The following ECHDC1 variants were observed in gnomAD, a reference collection of about 807,000 sequenced individuals.
The protein encoded by ECHDC1 is ethylmalonyl-CoA decarboxylase.
ECHDC1 carries 29 observed loss-of-function variants against 29.7 expected under a neutral mutation model. The ratio of observed to expected loss-of-function variants is 0.98; its 90% CI spans 0.73 to 1.33. The LOEUF (loss-of-function observed/expected upper bound fraction) is 1.33. ECHDC1 is among the 40% of genes most tolerant of loss of function. The pLI is 0.00. For missense variants in ECHDC1, 328 were observed against 350.0 expected, an observed-to-expected ratio of 0.94 and a Z score of 0.50; for synonymous variants, 126 against 123.1, an observed-to-expected ratio of 1.02 and a Z score of -0.15.
intron 1 of ECHDC1, chr6:127,342,299 A>C: frequency 6.6e-7 from 1 of 1,512,958 alleles, no homozygotes. Flanking sequence ...CAGGGGCTTA[A>C]GAATCTGGCC....
At chr6:127,314,667 T>A in intron 5 of ECHDC1, 149 bp downstream of exon 5, 2 of 602,064 alleles carry the variant, frequency 3.3e-6, no homozygotes, top group Non-Finnish European at 5.7e-6. Context: ...TAAAATTATC[T>A]ACTTTAATGA....
intron 1 of ECHDC1, among the ~76,000 whole-genome samples, chr6:127,338,348 C>G (rs969950366): frequency 6.6e-6 from 1 of 152,006 alleles, no homozygotes. Context: ...GAAAATAGAG[C>G]AAAGTATCTC....
chr6:127,316,600 AT>A, intron 3 of ECHDC1, 98 bp from the exon 4 acceptor site: 1 of 946,314 alleles, frequency 1.1e-6, no homozygotes, highest in Non-Finnish European at 1.6e-6. Context: ...AGCCAAAAAT[AT>A]GTCTTTTTTA....
chr6:127,316,246 C>A (rs1376177265), intron 4 of ECHDC1: 10 of 507,242 alleles, frequency 2.0e-5, no homozygotes, highest in African/African-American at 5.9e-5. Context: ...TCTTTCATTT[C>A]TCTTATTTTT....
chr6:127,336,480 C>T (rs958782723), intron 1 of ECHDC1, among the ~76,000 whole-genome samples: 17 of 152,096 alleles, frequency 1.1e-4, no homozygotes, highest in African/African-American at 4.1e-4. Context: ...CCCTGCTTTC[C>T]CAAAGGGAAG....
intron 5 of ECHDC1, among the ~76,000 whole-genome samples, chr6:127,296,790 A>G (rs1040261935): frequency 3.3e-5 from 5 of 152,106 alleles, no homozygotes; most frequent in Admixed American, 3.3e-4. Context: ...GGATCACTTG[A>G]GCTCACAAGT....
chr6:127,318,556 G>C (rs1175326379), intron 3 of ECHDC1, among the ~76,000 whole-genome samples: 1 of 152,158 alleles, frequency 6.6e-6, no homozygotes, highest in Non-Finnish European at 1.5e-5. Flanking sequence ...ATTATACAAA[G>C]TGCTTGAACA....
At chr6:127,304,384 A>G (rs970102102) in intron 5 of ECHDC1, among the ~76,000 whole-genome samples, 2 of 152,068 alleles carry the variant, frequency 1.3e-5, no homozygotes, top group African/African-American at 4.8e-5. Context: ...AGATCACAAC[A>G]CCTACGTCCT....
chr6:127,331,130 G>T, intron 1 of ECHDC1, 100 bp from the exon 2 acceptor site: 17 of 776,760 alleles, frequency 2.2e-5, no homozygotes, highest in Non-Finnish European at 3.4e-5. Flanking sequence ...CTTCTGTTGA[G>T]TTGGGAATAC....
intron 1 of ECHDC1, chr6:127,331,866 T>C (rs1246953074): frequency 2.0e-6 from 2 of 985,216 alleles, no homozygotes; most frequent in East Asian, 2.3e-4. Context: ...CTGGAAAGGG[T>C]CCTAAGAAAA....
At chr6:127,312,279 T>C (rs1254767909) in intron 5 of ECHDC1, among the ~76,000 whole-genome samples, 1 of 152,138 alleles carries the variant, frequency 6.6e-6, no homozygotes, top group Non-Finnish European at 1.5e-5. Flanking sequence ...TCAAAGGATT[T>C]GAAACAACAA....
intron 5 of ECHDC1, among the ~76,000 whole-genome samples, chr6:127,307,342 A>T (rs1432749736): frequency 6.6e-6 from 1 of 152,190 alleles, no homozygotes; most frequent in East Asian, 1.9e-4. Context: ...TAAATTAAAA[A>T]AATATTGACT....
chr6:127,327,182 A>C (rs1321412480), intron 2 of ECHDC1, 38 bp from the exon 3 acceptor site: 4 of 1,598,842 alleles, frequency 2.5e-6, no homozygotes, highest in South Asian at 1.1e-5. Context: ...AAATATATGA[A>C]GGTGACTGGA....
At chr6:127,320,511 T>G (rs1341075492) in intron 3 of ECHDC1, among the ~76,000 whole-genome samples, 1 of 152,140 alleles carries the variant, frequency 6.6e-6, no homozygotes, top group African/African-American at 2.4e-5. Context: ...ACAGAAAGGT[T>G]TCTAAATGCC....
At chr6:127,340,179 T>C (rs1349399065) in intron 1 of ECHDC1, among the ~76,000 whole-genome samples, 1 of 152,270 alleles carries the variant, frequency 6.6e-6, no homozygotes, top group Non-Finnish European at 1.5e-5. Flanking sequence ...GTAGTATTCT[T>C]CCTACTTTAA....
chr6:127,330,878 G>A lies in ECHDC1; in HGVS notation c.151C>T (p.Leu51Phe). The change falls in exon 2 of 6, where the codon CTT becomes TTT. Residue 51 changes from leucine to phenylalanine, a missense_variant. By Grantham distance (22) the Leu-to-Phe change is conservative (BLOSUM62 0). Coordinates refer to ENST00000454859, the MANE Select transcript of ECHDC1 (RefSeq NM_001002030.2). ...LQQFPGGSID[L>F]QKEDNGIGIL... is the part of the protein sequence containing the mutation. Reference sequence around the variant, plus strand: ...CCAATGCCATTGTCTTCCTTCTGAAGGTCAATGGATCCACCAGGAAACTGC... The same window carrying A: ...CCAATGCCATTGTCTTCCTTCTGAAAGTCAATGGATCCACCAGGAAACTGC... 3 of 1,614,048 alleles carry A rather than the reference G, an allele frequency of 1.9e-6. No individual in the cohort carries two copies. Among genetic ancestry groups the A allele is most frequent in the Non-Finnish European group, 2.5e-6 (3 of 1,180,006 alleles).
At chr6:127,316,637 CTT>C in intron 3 of ECHDC1, 135 bp from the exon 4 acceptor site, 1 of 671,548 alleles carries the variant, frequency 1.5e-6, no homozygotes, top group South Asian at 2.1e-5. Flanking sequence ...ATTTAAAACT[CTT>C]TGATGTTGTC....
chr6:127,332,407 C>T (rs1784038757), intron 1 of ECHDC1, among the ~76,000 whole-genome samples: 3 of 152,074 alleles, frequency 2.0e-5, no homozygotes, highest in Admixed American at 2.0e-4. Flanking sequence ...GGAATGCACT[C>T]AAGACACAGA....
chr6:127,315,052 C>A lies in ECHDC1; in HGVS notation c.417-156G>T, dbSNP rs754963257. ...CATCAAAGGATAGCAGAAGCTTGAACCTTTACATCATGAGAAGAAAAACAG... is the reference window on the plus strand; with the variant it reads ...CATCAAAGGATAGCAGAAGCTTGAAACTTTACATCATGAGAAGAAAAACAG... On this transcript the variant is annotated intron_variant, in intron 4 of 5. Coordinates refer to ENST00000454859, the MANE Select transcript of ECHDC1 (RefSeq NM_001002030.2). The A allele has an allele frequency of 1.3e-4, 95 of 735,536 alleles. No homozygotes were observed. The African/African-American group carries it at 1.5e-3, about 12-fold the overall frequency. The allele number at this position is 735,536 out of a possible 1,614,324, so 45.6% of individuals were successfully genotyped here. A position where few individuals can be genotyped will look rare whatever the true frequency, so the allele number is the denominator to read the frequency against.
Sources: allele counts gnomAD v4.1 joint callset (sites outside exome capture counted in the v4.1 genomes callset), GRCh38; gene constraint gnomAD v4.1.1; transcripts MANE v1.5; gene names NCBI Gene and HGNC (gene_info 2026-07-23, HGNC 2026-07-21).